Variants in DNAJC5B observed in about 807,000 individuals in gnomAD.
DNAJC5B encodes the protein dnaJ homolog subfamily C member 5B.
Under a neutral mutation model 24.7 loss-of-function variants are expected in DNAJC5B, and 23 were observed. The ratio of observed to expected loss-of-function variants is 0.93; its 90% CI spans 0.67 to 1.32. DNAJC5B has a LOEUF of 1.32. Ranked by LOEUF, DNAJC5B falls within the 40% of genes most tolerant of loss-of-function variation. The probability of loss-of-function intolerance (pLI) is 0.00; values close to 1 mark genes in which losing one functional copy is unlikely to be tolerated. For missense variants in DNAJC5B, 238 were observed against 240.8 expected (o/e 0.99, Z 0.08); for synonymous variants, 101 against 90.1 (o/e 1.12, Z -0.68).
chr8:66,037,841 G>A (rs911762788), intron 1 of DNAJC5B, among the ~76,000 whole-genome samples: 16 of 152,230 alleles, frequency 1.1e-4, no homozygotes, highest in Non-Finnish European at 2.1e-4. Flanking sequence ...AGGGGAGAAC[G>A]TATATCTATA....
At chr8:66,037,238 C>T (rs1806507494) in intron 1 of DNAJC5B, among the ~76,000 whole-genome samples, 1 of 152,162 alleles carries the variant, frequency 6.6e-6, no homozygotes, top group Non-Finnish European at 1.5e-5. Context: ...CCCACTGATG[C>T]CCTCTGGTAG....
chr8:66,072,745 G>A (rs1308545151), intron 3 of DNAJC5B, among the ~76,000 whole-genome samples: 1 of 152,096 alleles, frequency 6.6e-6, no homozygotes, highest in East Asian at 1.9e-4. Flanking sequence ...GCACTTAGAG[G>A]AAAATTTATA....
At chr8:66,043,707 C>T (rs1286476458) in intron 2 of DNAJC5B, 96 bp downstream of exon 2, 1 of 152,036 alleles carries the variant, frequency 6.6e-6, no homozygotes, top group Non-Finnish European at 1.5e-5. Flanking sequence ...TGTTTGCGGA[C>T]ACAGAATCGG....
At chr8:66,098,755 G>A (rs1808009530) in intron 5 of DNAJC5B, among the ~76,000 whole-genome samples, 2 of 151,782 alleles carry the variant, frequency 1.3e-5, no homozygotes, top group Non-Finnish European at 2.9e-5. Context: ...TAGCTGTTAA[G>A]CCAATTCATG....
intron 1 of DNAJC5B, among the ~76,000 whole-genome samples, chr8:66,036,955 T>C (rs1309596778): frequency 6.6e-6 from 1 of 152,136 alleles, no homozygotes; most frequent in African/African-American, 2.4e-5. Context: ...CCAGCTCTGG[T>C]CGGTTCTGCG....
intron 2 of DNAJC5B, among the ~76,000 whole-genome samples, chr8:66,049,433 T>G (rs1247307800): frequency 6.6e-6 from 1 of 152,242 alleles, no homozygotes; most frequent in South Asian, 2.1e-4. Context: ...TCACACTACA[T>G]TTTTACGGTA....
intron 1 of DNAJC5B, among the ~76,000 whole-genome samples, chr8:66,033,844 A>G (rs17398646): frequency 0.061 from 8,793 of 145,338 alleles, 263 homozygotes; most frequent in South Asian, 0.12. Flanking sequence ...CAATTGAATC[A>G]TAGTTGAGAA....
At chr8:66,070,665 A>C (rs1027629084) in intron 3 of DNAJC5B, among the ~76,000 whole-genome samples, 3 of 152,222 alleles carry the variant, frequency 2.0e-5, no homozygotes, top group Admixed American at 6.5e-5. Context: ...CCATCAAGCT[A>C]CCACTGACTT....
chr8:66,076,854 T>A lies in DNAJC5B; in HGVS notation c.314T>A (p.Leu105Gln), dbSNP rs755593130. Residue 105 changes from leucine (L) to glutamine (Q), a missense_variant, in exon 4 of 6, where the codon CTG (leucine) becomes CAG (glutamine). Coordinates refer to ENST00000276570, the MANE Select transcript of DNAJC5B (RefSeq NM_033105.6). ...GDENVNTYFM[L>Q]SSWWAKALFV... ...GAAAACGTTAACACCTACTTCATGC[T>A]GTCGAGCTGGTGGGCAAAGGTGAAA... 6.2e-7 allele frequency: 1 copy of A among 1,614,140 alleles called. No homozygotes were observed. Among genetic ancestry groups the A allele is most frequent in the Non-Finnish European group, 8.5e-7 (1 of 1,179,978 alleles).
intron 3 of DNAJC5B, among the ~76,000 whole-genome samples, chr8:66,067,226 A>G (rs1807240687): frequency 7.0e-6 from 1 of 143,350 alleles, no homozygotes; most frequent in African/African-American, 2.6e-5. Context: ...CATATTTTAA[A>G]AGCATTTGCG....
intron 1 of DNAJC5B, among the ~76,000 whole-genome samples, chr8:66,035,894 G>C (rs557567744): frequency 2.0e-5 from 3 of 152,012 alleles, no homozygotes; most frequent in African/African-American, 7.3e-5. Context: ...CCCTCTTCCC[G>C]GCACCTCCAG....
chr8:66,059,567 A>T (rs901100203), intron 3 of DNAJC5B, among the ~76,000 whole-genome samples: 7 of 152,146 alleles, frequency 4.6e-5, no homozygotes, highest in Admixed American at 3.9e-4. Flanking sequence ...AGAAACTCAA[A>T]GCTTTTTCTC....
At chr8:66,082,914 C>T (rs748934285) in intron 5 of DNAJC5B, among the ~76,000 whole-genome samples, 4 of 151,850 alleles carry the variant, frequency 2.6e-5, no homozygotes, top group East Asian at 1.9e-4. Context: ...CTCTGCAACA[C>T]GCTTCCCCTG....
chr8:66,032,456 T>C (rs1273718449), intron 1 of DNAJC5B, among the ~76,000 whole-genome samples: 25 of 152,362 alleles, frequency 1.6e-4, no homozygotes, highest in Middle Eastern at 3.4e-3. Context: ...GATATTATTA[T>C]TTAATATTCA....
At chr8:66,073,327 A>T (rs1035231449) in intron 3 of DNAJC5B, among the ~76,000 whole-genome samples, 1 of 152,190 alleles carries the variant, frequency 6.6e-6, no homozygotes, top group Non-Finnish European at 1.5e-5. Flanking sequence ...AAGAAAATAT[A>T]CATAGAACAT....
chr8:66,079,043 C>A (rs1407682981), intron 4 of DNAJC5B, among the ~76,000 whole-genome samples: 3 of 152,150 alleles, frequency 2.0e-5, no homozygotes, highest in African/African-American at 7.2e-5. Flanking sequence ...TTGATAAAAT[C>A]TTAAATTGAT....
chr8:66,051,965 AT>A (rs57623611), intron 3 of DNAJC5B, among the ~76,000 whole-genome samples: 4,131 of 147,144 alleles, frequency 0.028, 158 homozygotes, highest in African/African-American at 0.086. Flanking sequence ...AATTGCTGTC[AT>A]TTTTTTTTTT....
intron 3 of DNAJC5B, among the ~76,000 whole-genome samples, chr8:66,061,335 A>T (rs1201866797): frequency 6.6e-6 from 1 of 152,196 alleles, no homozygotes; most frequent in African/African-American, 2.4e-5. Flanking sequence ...AATTCAACTC[A>T]CTTTTCTCAG....
At chr8:66,029,127 T>C (rs1806308127) in intron 1 of DNAJC5B, among the ~76,000 whole-genome samples, 1 of 152,370 alleles carries the variant, frequency 6.6e-6, no homozygotes, top group Non-Finnish European at 1.5e-5. Flanking sequence ...CTGCTTCACA[T>C]GGACCACTGC....
Sources: gnomAD v4.1 joint callset for allele counts (sites outside exome capture counted in the v4.1 genomes callset) on GRCh38, gnomAD v4.1.1 for gene constraint, MANE v1.5 for transcripts, NCBI Gene and HGNC (gene_info 2026-07-23, HGNC 2026-07-21) for gene names.